GTF2IRD1: variants seen among roughly 807,000 people sequenced by gnomAD.
The protein encoded by GTF2IRD1 is general transcription factor II-I repeat domain-containing protein 1.
Under a neutral mutation model 113.2 loss-of-function variants are expected in GTF2IRD1, and 26 were observed. The observed-to-expected ratio is 0.23, with a 90% CI of 0.17 to 0.32. The LOEUF (loss-of-function observed/expected upper bound fraction) is 0.32. GTF2IRD1 is among the 10% of genes least tolerant of loss of function. The pLI, the probability that GTF2IRD1 is intolerant of heterozygous loss-of-function variation, is 1.00. For synonymous variants in GTF2IRD1, 484 were observed against 529.1 expected (o/e 0.91, Z 1.17); for missense variants, 864 against 1,280.8 (o/e 0.67, Z 4.97).
rs782284512 is a variant in GTF2IRD1 at position 74,519,605 on chromosome 7, C to T, written c.802C>T (p.Arg268Ter). The T allele has an allele frequency of 1.2e-6, 2 of 1,612,692 alleles. No individual in the cohort carries two copies. Among genetic ancestry groups the T allele is most frequent in the South Asian group, 1.1e-5 (1 of 90,936 alleles). ...YSTALPNHAI[R>*]ELKQEAPSCP... ...CACGGCGCTCCCCAACCACGCCATCCGAGAGCTCAAGCAGGAAGCACCTTC... is the reference window on the plus strand; with the variant it reads ...CACGGCGCTCCCCAACCACGCCATCTGAGAGCTCAAGCAGGAAGCACCTTC... Residue 268 changes from arginine to a stop codon, truncating the protein, a stop_gained, in exon 6 of 27, where the codon CGA becomes TGA. Transcript: ENST00000424337. LOFTEE classifies it high-confidence loss of function.
chr7:74,501,194 C>G (rs943036453), intron 1 of GTF2IRD1, among the ~76,000 whole-genome samples: 1 of 152,106 alleles, frequency 6.6e-6, no homozygotes, highest in Non-Finnish European at 1.5e-5. Context: ...CTCGCCTGTT[C>G]ACTGCCGGGC....
intron 20 of GTF2IRD1, 39 bp from the exon 21 acceptor site, chr7:74,558,822 C>T (rs1449272850): frequency 6.4e-7 from 1 of 1,567,432 alleles, no homozygotes; most frequent in African/African-American, 1.4e-5. Flanking sequence ...CACGCTGCCT[C>T]TCACTCCTGA....
In GTF2IRD1 at chr7:74,512,061, G is replaced by A. The variant is rs990152292; in HGVS notation, c.124-769G>A. Among the ~76,000 whole-genome samples, 5 of 152,106 alleles carry A rather than the reference G, an allele frequency of 3.3e-5. No individual in the cohort carries two copies. The highest frequency in any genetic ancestry group is 1.9e-4 in the East Asian group (1 of 5,186). On this transcript the variant is annotated intron_variant, in intron 2 of 26. Transcript: ENST00000424337. The surrounding 1 kb of genome is among the most constrained non-coding windows in gnomAD (Gnocchi z 4.4). ...GCTGCTTGTCCCCAATTCTATAGAC[G>A]TGGAAACTGGCCACGCAGAGTGGCT...
In GTF2IRD1 at chr7:74,602,570, CT is replaced by C; in HGVS notation, c.*142del. The C allele has an allele frequency of 4.1e-6, 2 of 488,940 alleles. No individual in the cohort carries two copies. The highest frequency in any genetic ancestry group is 2.2e-5 in the African/African-American group (1 of 45,504). 30.3% of individuals were successfully genotyped at this position (488,940 alleles called of 1,614,324 possible). On this transcript the variant is annotated 3_prime_UTR_variant, in exon 27 of 27. Transcript: ENST00000424337. ...TACACTATATTCCTGCCACCAAGGC[CT>C]TTTTAAATAAGTAAAAAAAGAAAAA...
At chr7:74,469,010 G>A (rs1389653548) in intron 1 of GTF2IRD1, among the ~76,000 whole-genome samples, 1 of 151,532 alleles carries the variant, frequency 6.6e-6, no homozygotes, top group African/African-American at 2.4e-5. Flanking sequence ...ACGTGAACCC[G>A]GGAGGTGGAG....
intron 1 of GTF2IRD1, chr7:74,507,715 T>G (rs1320403321): frequency 4.8e-6 from 1 of 206,694 alleles, no homozygotes; most frequent in African/African-American, 2.3e-5. Flanking sequence ...AGAGCTAATA[T>G]GGGCAGTAGG....
At position 74,539,435 on chromosome 7, in the gene GTF2IRD1, G is replaced by A. The variant is rs184885389; in HGVS notation, c.1529-444G>A. 6.4e-3 allele frequency among the ~76,000 whole-genome samples: 977 copies of A among 151,990 alleles called. 10 individuals are homozygous for A. Among genetic ancestry groups the A allele is most frequent in the African/African-American group, 0.022 (904 of 41,470 alleles). ...TGCACTCCAGCCTGGGCAACAGAGCGAGACCCTATCTCAAAAAAAAAGAAA... is the reference window on the plus strand; with the variant it reads ...TGCACTCCAGCCTGGGCAACAGAGCAAGACCCTATCTCAAAAAAAAAGAAA... On this transcript the variant is annotated intron_variant, in intron 13 of 26. Transcript: ENST00000424337.
At chr7:74,532,211 C>A (rs1452128610) in intron 9 of GTF2IRD1, among the ~76,000 whole-genome samples, 2 of 151,242 alleles carry the variant, frequency 1.3e-5, no homozygotes, top group Admixed American at 6.6e-5. Flanking sequence ...GTCTCGAACC[C>A]ACATCTCCCC....
chr7:74,523,883 C>T (rs782724400), intron 7 of GTF2IRD1, among the ~76,000 whole-genome samples, 188 bp from the exon 8 acceptor site: 7 of 152,048 alleles, frequency 4.6e-5, no homozygotes, highest in African/African-American at 1.7e-4. Flanking sequence ...AGGGCAGGAA[C>T]GGGCAGACGG....
intron 16 of GTF2IRD1, among the ~76,000 whole-genome samples, chr7:74,546,759 C>CA (rs3066696): frequency 6.6e-6 from 1 of 151,918 alleles, no homozygotes; most frequent in Non-Finnish European, 1.5e-5. Flanking sequence ...CCAGTGGACT[C>CA]GGGGAAGCAA....
At chr7:74,599,456 G>GT (rs1802616248) in intron 25 of GTF2IRD1, among the ~76,000 whole-genome samples, 4 of 152,156 alleles carry the variant, frequency 2.6e-5, no homozygotes, top group Admixed American at 2.6e-4. Context: ...TGCATGCGGT[G>GT]TTTTTTGAGT....
At chr7:74,579,263 G>T (rs782185015) in intron 22 of GTF2IRD1, among the ~76,000 whole-genome samples, 2 of 152,090 alleles carry the variant, frequency 1.3e-5, no homozygotes, top group African/African-American at 4.8e-5. Flanking sequence ...AGCTAGGATC[G>T]CACTACTGCA....
At chr7:74,590,003 G>T in intron 23 of GTF2IRD1, 75 bp downstream of exon 23, 1 of 953,326 alleles carries the variant, frequency 1.0e-6, no homozygotes, top group East Asian at 2.5e-5. Flanking sequence ...TCTGCAGCCA[G>T]CCTGGCTTTC....
At chr7:74,554,061 A>C (rs1422606327) in intron 17 of GTF2IRD1, among the ~76,000 whole-genome samples, 1 of 151,970 alleles carries the variant, frequency 6.6e-6, no homozygotes, top group African/African-American at 2.4e-5. Context: ...CCTCCCTGAG[A>C]GTTTGGCCTT....
At chr7:74,505,732 G>A (rs1316589934) in intron 1 of GTF2IRD1, among the ~76,000 whole-genome samples, 1 of 152,182 alleles carries the variant, frequency 6.6e-6, no homozygotes, top group Non-Finnish European at 1.5e-5. Context: ...GCTTGGGGGA[G>A]GGGGACACCT....
rs587637084 is a variant in GTF2IRD1 at position 74,555,056 on chromosome 7, A to G, written c.1917-118A>G. 49 of 898,916 alleles carry G rather than the reference A, an allele frequency of 5.5e-5. No individual in the cohort carries two copies. The highest frequency in any genetic ancestry group is 4.6e-4 in the African/African-American group (28 of 60,332). 55.7% of individuals were successfully genotyped at this position (898,916 alleles called of 1,614,324 possible). A position where few individuals can be genotyped will look rare whatever the true frequency, so the allele number is the denominator to read the frequency against. ...GCGGCAGGGACTCCAGGCCTGAACT[A>G]TGCATAGCCAGAAGGGTCCATTGCA... On this transcript the variant is annotated intron_variant, in intron 17 of 26. Coordinates refer to ENST00000424337, the MANE Select transcript of GTF2IRD1 (RefSeq NM_005685.4). This position sits in a 1 kb window ranked among gnomAD's most constrained non-coding sequence, Gnocchi z 5.3.
intron 17 of GTF2IRD1, among the ~76,000 whole-genome samples, chr7:74,547,551 G>C (rs1268222795): frequency 1.3e-4 from 19 of 147,644 alleles, no homozygotes; most frequent in African/African-American, 4.5e-4. Context: ...CGAGTCTCCT[G>C]CCTCAGCCCC....
rs1801951896 is a variant in GTF2IRD1, at chr7:74,589,892, C to T, written c.2362C>T (p.Arg788Trp). 2 of 1,611,524 alleles carry T rather than the reference C, an allele frequency of 1.2e-6. No homozygotes were observed. Among genetic ancestry groups the T allele is most frequent in the Non-Finnish European group, 1.7e-6 (2 of 1,177,906 alleles). The change falls in exon 23 of 27, where the codon CGG (arginine) becomes TGG (tryptophan). Residue 788 changes from arginine to tryptophan, a missense_variant. Arg to Trp is a moderately radical substitution (Grantham distance 101). Transcript: ENST00000424337. ...ANRLGEKVIL[R>W]EQVKELFNEK... ...CAGACTCGGGGAGAAGGTGATCCTG[C>T]GGGAGCAGGTGAAGGAACTCTTCAA...
At chr7:74,490,649 C>T (rs918102928) in intron 1 of GTF2IRD1, among the ~76,000 whole-genome samples, 3 of 150,062 alleles carry the variant, frequency 2.0e-5, no homozygotes, top group Non-Finnish European at 3.0e-5. Flanking sequence ...GTGCGGGGGC[C>T]GTGTTTGGGT....
Sources: gnomAD v4.1 joint callset for allele counts (sites outside exome capture counted in the v4.1 genomes callset) on GRCh38, gnomAD v4.1.1 for gene constraint, Gnocchi (gnomAD v3.1) non-coding constraint, MANE v1.5 for transcripts, NCBI Gene and HGNC (gene_info 2026-07-23, HGNC 2026-07-21) for gene names.